Variants in PCDHA4 observed in about 807,000 individuals in gnomAD.
PCDHA4 encodes the protein protocadherin alpha-4.
Under a neutral mutation model 61.4 loss-of-function variants are expected in PCDHA4, and 49 were observed. The observed-to-expected ratio is 0.80, with a 90% CI of 0.63 to 1.01. The LOEUF (loss-of-function observed/expected upper bound fraction) is 1.01. Among genes scored for constraint, PCDHA4 ranks in the 50% least tolerant of loss-of-function variants. The pLI, the probability that PCDHA4 is intolerant of heterozygous loss-of-function variation, is 0.00. For synonymous variants in PCDHA4, 590 were observed against 550.3 expected (o/e 1.07, Z -1.01); for missense variants, 1,254 against 1,235.8 (o/e 1.01, Z -0.22).
chr5:140,969,283 T>A, intron 1 of PCDHA4: 61 of 1,614,200 alleles, frequency 3.8e-5, no homozygotes, highest in Non-Finnish European at 5.2e-5. Flanking sequence ...GTGGTCAGAA[T>A]GCTGGGAACC....
chr5:140,995,867 G>A (rs1355291744), intron 3 of PCDHA4, among the ~76,000 whole-genome samples: 1 of 152,152 alleles, frequency 6.6e-6, no homozygotes, highest in Non-Finnish European at 1.5e-5. Flanking sequence ...CTTAATAATT[G>A]TGCAACCTGT....
intron 3 of PCDHA4, among the ~76,000 whole-genome samples, chr5:140,985,532 G>C (rs1358120172): frequency 6.6e-6 from 1 of 152,072 alleles, no homozygotes; most frequent in African/African-American, 2.4e-5. Flanking sequence ...AAAGCTTCAC[G>C]GTGAAGATGC....
Position 140,841,407 on chromosome 5 carries a change from G to A in PCDHA4, c.2385+31835G>A, listed in dbSNP as rs2150314809. On this transcript the variant is annotated intron_variant, in intron 1 of 3. Transcript: ENST00000530339. ...CTCGCAGCCTGGAAGGTGGGGAGCG[G>A]CCAGCTCCACTACTCCGTCCCCGAG... 14 of 1,613,104 alleles carry A rather than the reference G, an allele frequency of 8.7e-6. No individual in the cohort carries two copies. In the South Asian group the frequency reaches 1.5e-4, roughly 18 times the overall value.
At chr5:140,875,423 G>A in intron 1 of PCDHA4, 2 of 1,524,996 alleles carry the variant, frequency 1.3e-6, no homozygotes, top group Non-Finnish European at 1.8e-6. Flanking sequence ...CCTCAGGCAA[G>A]CGATCCCTTA....
At chr5:140,883,904 G>C in intron 1 of PCDHA4, 1 of 1,613,344 alleles carries the variant, frequency 6.2e-7, no homozygotes, top group Non-Finnish European at 8.5e-7. Context: ...GCCGCCTCTG[G>C]GCAGCAACGT....
intron 1 of PCDHA4, among the ~76,000 whole-genome samples, chr5:140,921,651 C>T (rs155817): frequency 0.33 from 49,637 of 151,902 alleles, 8,394 homozygotes; most frequent in East Asian, 0.53. Context: ...TTTAAGGGAA[C>T]TTAATAAAAA....
chr5:140,961,464 C>G (rs1364555316), intron 1 of PCDHA4, among the ~76,000 whole-genome samples: 1 of 152,126 alleles, frequency 6.6e-6, no homozygotes, highest in Non-Finnish European at 1.5e-5. Flanking sequence ...AGCTGCCTTT[C>G]TTTTTTTGTC....
chr5:140,837,916 C>T (rs191330965), intron 1 of PCDHA4, among the ~76,000 whole-genome samples: 6 of 151,766 alleles, frequency 4.0e-5, no homozygotes, highest in South Asian at 4.2e-4. Context: ...TGGCTTCAAG[C>T]GATCCTCCTA....
intron 1 of PCDHA4, among the ~76,000 whole-genome samples, chr5:140,896,881 A>C (rs1436700773): frequency 9.9e-5 from 15 of 152,204 alleles, no homozygotes; most frequent in Non-Finnish European, 1.3e-4. Context: ...TTTATGGGGT[A>C]TATGAGACAT....
intron 1 of PCDHA4, chr5:140,865,913 C>G (rs2049050417): frequency 6.6e-6 from 1 of 152,098 alleles, no homozygotes; most frequent in African/African-American, 2.4e-5. Flanking sequence ...ATCTTTCTTT[C>G]TGTTGTGCTT....
At position 141,010,210 on chromosome 5, in the gene PCDHA4, G is replaced by A. The variant is rs2098416466; in HGVS notation, c.*273G>A. ...AGTTTCCTTTCTCCTCCGCCGCAAA[G>A]GAGAGGCTTCCCAGCCCCGCCAGTG... On this transcript the variant is annotated 3_prime_UTR_variant, in exon 4 of 4. Transcript: ENST00000530339. 4 of 1,551,736 alleles carry A rather than the reference G, an allele frequency of 2.6e-6. No homozygotes were observed. Among genetic ancestry groups the A allele is most frequent in the African/African-American group, 1.4e-5 (1 of 73,050 alleles).
At chr5:140,978,405 A>G (rs919688095) in intron 1 of PCDHA4, among the ~76,000 whole-genome samples, 1 of 152,220 alleles carries the variant, frequency 6.6e-6, no homozygotes, top group Non-Finnish European at 1.5e-5. Context: ...TCCCTCTTCA[A>G]TCAGAAAAGA....
At chr5:141,002,273 A>G (rs1040927044) in intron 3 of PCDHA4, among the ~76,000 whole-genome samples, 42 of 152,308 alleles carry the variant, frequency 2.8e-4, no homozygotes, top group African/African-American at 8.9e-4. Context: ...AGAGCTGGTA[A>G]CAAAGGGATG....
chr5:140,925,585 A>T (rs1450626568), intron 1 of PCDHA4, among the ~76,000 whole-genome samples: 1 of 151,748 alleles, frequency 6.6e-6, no homozygotes, highest in Non-Finnish European at 1.5e-5. Flanking sequence ...AACATGGCGC[A>T]TGTATACATA....
intron 1 of PCDHA4, among the ~76,000 whole-genome samples, chr5:140,953,914 T>A (rs1554221128): frequency 6.6e-6 from 1 of 152,134 alleles, no homozygotes; most frequent in South Asian, 2.1e-4. Context: ...ATCCATTAGG[T>A]ATTCTTCCTG....
At chr5:140,924,906 T>TAAAAA (rs1284498744) in intron 1 of PCDHA4, among the ~76,000 whole-genome samples, 1 of 55,822 alleles carries the variant, frequency 1.8e-5, no homozygotes, top group Non-Finnish European at 3.4e-5. Context: ...AAAAAAAAAA[T>TAAAAA]AAAATAAAAT....
At chr5:140,911,158 G>A (rs1274383238) in intron 1 of PCDHA4, among the ~76,000 whole-genome samples, 1 of 152,162 alleles carries the variant, frequency 6.6e-6, no homozygotes, top group African/African-American at 2.4e-5. Context: ...TCAGACAAAT[G>A]TGGAAAGGCT....
At chr5:140,975,475 A>G (rs546732390) in intron 1 of PCDHA4, among the ~76,000 whole-genome samples, 5 of 152,368 alleles carry the variant, frequency 3.3e-5, no homozygotes, top group African/African-American at 1.2e-4. Flanking sequence ...TCTGCCTATC[A>G]GTTTATATCA....
At chr5:140,851,805 T>A (rs2042164036) in intron 1 of PCDHA4, 1 of 945,532 alleles carries the variant, frequency 1.1e-6, no homozygotes. Flanking sequence ...CTGTCAGTAA[T>A]CCATAAGACA....
Sources: gnomAD v4.1 joint callset for allele counts (sites outside exome capture counted in the v4.1 genomes callset) on GRCh38, gnomAD v4.1.1 for gene constraint, MANE v1.5 for transcripts, NCBI Gene and HGNC (gene_info 2026-07-23, HGNC 2026-07-21) for gene names.